The following G6PC2 variants were observed in gnomAD, a reference collection of about 807,000 sequenced individuals.
The protein encoded by G6PC2 is glucose-6-phosphatase catalytic subunit 2, also known as glucose-6-phosphatase 2.
Under a neutral mutation model 35.4 loss-of-function variants are expected in G6PC2, and 41 were observed. That is an observed-to-expected ratio of 1.16 (90% CI 0.90 to 1.50). The LOEUF is 1.50. Among genes scored for constraint, G6PC2 ranks in the 40% most tolerant of loss-of-function variants. The probability of loss-of-function intolerance (pLI) is 0.00; values close to 1 mark genes in which losing one functional copy is unlikely to be tolerated. For missense variants in G6PC2, 441 were observed against 426.5 expected (o/e 1.03, Z -0.30); for synonymous variants, 165 against 153.2 (o/e 1.08, Z -0.57).
At position 168,908,184 on chromosome 2, in the gene G6PC2, G is replaced by C; in HGVS notation, c.*105G>C. On this transcript the variant is annotated 3_prime_UTR_variant, in exon 5 of 5. Coordinates refer to ENST00000375363, the MANE Select transcript of G6PC2 (RefSeq NM_021176.3). ...CAGAGGCTTCTAATCCGACTTCACA[G>C]AATAGCGGCACAGGCCCCATTCCCC... 1 of 953,320 alleles carries C rather than the reference G, an allele frequency of 1.0e-6. No individual in the cohort carries two copies. The highest frequency in any genetic ancestry group is 1.7e-5 in the Admixed American group (1 of 58,294). The allele number at this position is 953,320 out of a possible 1,614,324, so 59.1% of individuals were successfully genotyped here. A position where few individuals can be genotyped will look rare whatever the true frequency, so the allele number is the denominator to read the frequency against.
chr2:168,902,114 T>C (rs1271037904), intron 1 of G6PC2, among the ~76,000 whole-genome samples: 1 of 152,218 alleles, frequency 6.6e-6, no homozygotes, highest in Admixed American at 6.5e-5. Flanking sequence ...ATTACTTACA[T>C]GAGCAGCGTG....
At chr2:168,906,014 G>A (rs1379776813) in intron 3 of G6PC2, among the ~76,000 whole-genome samples, 3 of 124,438 alleles carry the variant, frequency 2.4e-5, no homozygotes, top group Non-Finnish European at 3.2e-5. Flanking sequence ...GTGCATTGCT[G>A]TTTTTAATCC....
rs980744300 is a variant in G6PC2, at chr2:168,904,523, C to A, written c.347C>A (p.Ala116Glu). 26 of 1,604,840 alleles carry A rather than the reference C, an allele frequency of 1.6e-5. No individual in the cohort carries two copies. Among genetic ancestry groups the A allele is most frequent in the Non-Finnish European group, 2.1e-5 (25 of 1,171,684 alleles). ...GTTGCAGGAAGTCCATCTGGCCATGCAATGGGCGCATCCTGTGTCTGGTAT... is the reference window on the plus strand; with the variant it reads ...GTTGCAGGAAGTCCATCTGGCCATGAAATGGGCGCATCCTGTGTCTGGTAT... ...ETGPGSPSGHAMGASCVWYVM... is the reference protein window; with the variant it reads ...ETGPGSPSGHEMGASCVWYVM... Residue 116 changes from alanine to glutamate, a missense_variant, in exon 3 of 5, where the codon GCA becomes GAA. Coordinates refer to ENST00000375363, the MANE Select transcript of G6PC2 (RefSeq NM_021176.3).
chr2:168,901,400 C>G lies in G6PC2; in HGVS notation c.69C>G (p.Tyr23Ter). ...QHLQKDYRAY[Y>*]TFLNFMSNVG... ...TGCAGAAGGACTACCGAGCTTACTA[C>G]ACTTTTCTAAATTTTATGTCCAATG... The change falls in exon 1 of 5, where the codon TAC becomes TAG. Residue 23 changes from tyrosine to a stop codon, truncating the protein, a stop_gained. Transcript: ENST00000375363. LOFTEE classifies it high-confidence loss of function. 5.6e-6 allele frequency: 9 copies of G among 1,602,802 alleles called. No homozygotes were observed. The highest frequency in any genetic ancestry group is 7.7e-6 in the Non-Finnish European group (9 of 1,169,608).
intron 3 of G6PC2, 124 bp from the exon 4 acceptor site, chr2:168,906,540 G>T: frequency 1.4e-6 from 1 of 705,744 alleles, no homozygotes; most frequent in East Asian, 2.6e-5. Context: ...AAAGATTCTA[G>T]AATCATGATG....
At position 168,908,734 on chromosome 2, in the gene G6PC2, C is replaced by T. The variant is rs1485966704; in HGVS notation, c.*655C>T. 1.3e-5 allele frequency: 2 copies of T among 155,708 alleles called. No individual in the cohort carries two copies. The highest frequency in any genetic ancestry group is 2.0e-4 in the South Asian group (1 of 5,046). 9.6% of individuals were successfully genotyped at this position (155,708 alleles called of 1,614,324 possible). On this transcript the variant is annotated 3_prime_UTR_variant, in exon 5 of 5. Transcript: ENST00000375363. ...TTAGAACCAGGGACTTGCTCTGTTG[C>T]CCAGGCTGGAGTGCAGTGGTGGATA...
rs563894718 is a variant in G6PC2 at position 168,901,728 on chromosome 2, T to C, written c.218+179T>C. On this transcript the variant is annotated intron_variant, in intron 1 of 4. Coordinates refer to ENST00000375363, the MANE Select transcript of G6PC2 (RefSeq NM_021176.3). ...TTTAAAAGGCACAGAAATGTATATA[T>C]ATGTTTTTGTTTTTTTTTTTTTTTT... Among the ~76,000 whole-genome samples, 20 of 121,086 alleles carry C rather than the reference T, an allele frequency of 1.7e-4. No homozygotes were observed. In the East Asian group the frequency reaches 2.9e-3, roughly 18 times the overall value. 79.4% of individuals were successfully genotyped at this position (121,086 alleles called of 152,430 possible). A position where few individuals can be genotyped will look rare whatever the true frequency, so the allele number is the denominator to read the frequency against.
chr2:168,901,660 A>G, intron 1 of G6PC2, 111 bp downstream of exon 1: 1 of 689,684 alleles, frequency 1.4e-6, no homozygotes, highest in Non-Finnish European at 2.6e-6. Flanking sequence ...AAATCTTTCA[A>G]AAATACCAGG....
At position 168,907,573 on chromosome 2, in the gene G6PC2, C is replaced by G. The variant is rs758104751; in HGVS notation, c.562C>G (p.Leu188Val). ...QVILGVIGGM[L>V]VAEAFEHTPG... ...TGTCTCTTTCCAATCCTCAGGCATG[C>G]TGGTGGCAGAGGCCTTTGAACACAC... Residue 188 changes from leucine to valine, a missense_variant, in exon 5 of 5, where the codon CTG (leucine) becomes GTG (valine). By Grantham distance (32) the Leu-to-Val change is conservative. Coordinates refer to ENST00000375363, the MANE Select transcript of G6PC2 (RefSeq NM_021176.3). 108 of 1,613,784 alleles carry G rather than the reference C, an allele frequency of 6.7e-5. No individual in the cohort carries two copies. Among genetic ancestry groups the G allele is most frequent in the Non-Finnish European group, 9.0e-5 (106 of 1,179,800 alleles).
Position 168,907,644 on chromosome 2 carries a change from C to T in G6PC2, c.633C>T (p.Asn211=), listed in dbSNP as rs1190512780. The T allele has an allele frequency of 1.2e-6, 2 of 1,613,596 alleles. No individual in the cohort carries two copies. ...TASLGTYLKT[N]LFLFLFAVGF... is the part of the protein sequence containing the mutation. ...GTCTGGGCACATACCTGAAGACCAA[C>T]CTCTTTCTCTTCCTGTTTGCAGTTG... Residue 211 remains asparagine (N), a synonymous_variant, in exon 5 of 5, where the codon AAC becomes AAT. Coordinates refer to ENST00000375363, the MANE Select transcript of G6PC2 (RefSeq NM_021176.3).
At chr2:168,904,433 G>A (rs1222560445) in intron 2 of G6PC2, 72 bp from the exon 3 acceptor site, 1 of 818,020 alleles carries the variant, frequency 1.2e-6, no homozygotes, top group Non-Finnish European at 2.2e-6. Flanking sequence ...TGGGGAATAT[G>A]CTATTCTATT....
In G6PC2 at chr2:168,901,431, G is replaced by A; in HGVS notation, c.100G>A (p.Asp34Asn). 6.3e-7 allele frequency: 1 copy of A among 1,594,176 alleles called. No individual in the cohort carries two copies. Among genetic ancestry groups the A allele is most frequent in the Non-Finnish European group, 8.6e-7 (1 of 1,161,808 alleles). ...TCTAAATTTTATGTCCAATGTTGGAGACCCCAGGAATATCTTTTTCATTTA... is the reference window on the plus strand; with the variant it reads ...TCTAAATTTTATGTCCAATGTTGGAAACCCCAGGAATATCTTTTTCATTTA... ...TFLNFMSNVG[D>N]PRNIFFIYFP... Residue 34 changes from aspartate (D) to asparagine (N), a missense_variant, in exon 1 of 5, where the codon GAC becomes AAC. By Grantham distance (23) the Asp-to-Asn change is conservative (BLOSUM62 1). Coordinates refer to ENST00000375363, the MANE Select transcript of G6PC2 (RefSeq NM_021176.3).
In G6PC2 at chr2:168,907,788, C is replaced by G. The variant is rs139564794; in HGVS notation, c.777C>G (p.Leu259=). 191 of 1,613,970 alleles carry G rather than the reference C, an allele frequency of 1.2e-4. No homozygotes were observed. Among genetic ancestry groups the G allele is most frequent in the Non-Finnish European group, 1.4e-4 (160 of 1,180,012 alleles). ...TTGACACCACGCCTTTTGCTGGACT[C>G]GTGAGAAACCTTGGGGTCCTCTTTG... is the stretch of plus-strand genomic sequence containing the variant. ...IHIDTTPFAG[L]VRNLGVLFGL... is the part of the protein sequence containing the mutation. Residue 259 remains leucine, a synonymous_variant, in exon 5 of 5, where the codon CTC becomes CTG. Coordinates refer to ENST00000375363, the MANE Select transcript of G6PC2 (RefSeq NM_021176.3).
chr2:168,907,842 G>A lies in G6PC2; in HGVS notation c.831G>A (p.Met277Ile). ...TGGGCTTTGCAATCAACTCAGAGAT[G>A]TTCCTCCTGAGCTGCCGAGGGGGAA... ...FGLGFAINSE[M>I]FLLSCRGGNN... Residue 277 changes from methionine (M) to isoleucine (I), a missense_variant, in exon 5 of 5, where the codon ATG (methionine) becomes ATA (isoleucine). Physicochemically the swap from Met to Ile is conservative, Grantham distance 10. Transcript: ENST00000375363. 1 of 1,614,038 alleles carries A rather than the reference G, an allele frequency of 6.2e-7. No individual in the cohort carries two copies. The highest frequency in any genetic ancestry group is 1.1e-5 in the South Asian group (1 of 91,066).
chr2:168,906,286 G>T (rs1690709231), intron 3 of G6PC2, among the ~76,000 whole-genome samples: 1 of 152,054 alleles, frequency 6.6e-6, no homozygotes, highest in African/African-American at 2.4e-5. Context: ...ATAGGGCAGG[G>T]CGTGAAAATA....
Position 168,902,465 on chromosome 2 carries a change from CT to C in G6PC2, c.241del (p.Tyr81ThrfsTer47). ...IFKWILFGHR[P>X]YWWVQETQIY... Reference sequence around the variant, plus strand: ...TACAGGATATTATTTGGTCATCGACCTTACTGGTGGGTCCAAGAAACTCAGA... The same window carrying C: ...TACAGGATATTATTTGGTCATCGACCTACTGGTGGGTCCAAGAAACTCAGA... On this transcript the variant is annotated frameshift_variant, in exon 2 of 5. Coordinates refer to ENST00000375363, the MANE Select transcript of G6PC2 (RefSeq NM_021176.3). LOFTEE classifies it high-confidence loss of function. 6.7e-7 allele frequency: 1 copy of C among 1,493,474 alleles called. No homozygotes were observed. The highest frequency in any genetic ancestry group is 9.3e-7 in the Non-Finnish European group (1 of 1,070,002). The allele number at this position is 1,493,474 out of a possible 1,614,324, so 92.5% of individuals were successfully genotyped here. A position where few individuals can be genotyped will look rare whatever the true frequency, so the allele number is the denominator to read the frequency against.
In G6PC2 at chr2:168,904,592, A is replaced by T; in HGVS notation, c.416A>T (p.Asp139Val). 6.2e-7 allele frequency: 1 copy of T among 1,602,434 alleles called. No homozygotes were observed. The highest frequency in any genetic ancestry group is 8.6e-7 in the Non-Finnish European group (1 of 1,169,406). The change falls in exon 3 of 5, where the codon GAT (aspartate) becomes GTT (valine). Residue 139 changes from aspartate (D) to valine (V), a missense_variant. By Grantham distance (152) the Asp-to-Val change is radical. Transcript: ENST00000375363. Reference protein sequence around the residue: ...AALSHTVCGMDKFSITLHRLT... With the variant: ...AALSHTVCGMVKFSITLHRLT... ...CTGAGCCACACTGTCTGTGGGATGG[A>T]TAAGTTCTCTATCACTCTGCACAGG...
rs1690783240 is a variant in G6PC2, at chr2:168,908,655, CTG to C, written c.*582_*583del. ...GCTTCTGACACATATCCCCATTACA[CTG>C]TGTGTTTGAGTGTGCACACATGCAC... On this transcript the variant is annotated 3_prime_UTR_variant, in exon 5 of 5. Coordinates refer to ENST00000375363, the MANE Select transcript of G6PC2 (RefSeq NM_021176.3). 1 of 175,822 alleles carries C rather than the reference CTG, an allele frequency of 5.7e-6. No individual in the cohort carries two copies. Among genetic ancestry groups the C allele is most frequent in the African/African-American group, 2.4e-5 (1 of 41,694 alleles). The allele number at this position is 175,822 out of a possible 1,614,324, so 10.9% of individuals were successfully genotyped here. A position where few individuals can be genotyped will look rare whatever the true frequency, so the allele number is the denominator to read the frequency against.
rs753230056 is a variant in G6PC2, at chr2:168,906,691, T to G, written c.468T>G (p.Val156=). 2 of 1,598,418 alleles carry G rather than the reference T, an allele frequency of 1.3e-6. No individual in the cohort carries two copies. Among genetic ancestry groups the G allele is most frequent in the East Asian group, 2.2e-5 (1 of 44,790 alleles). ...TGACCTGGTCATTTCTTTGGAGTGTTTTTTGGTTGATTCAAATCAGTGTCT... is the reference window on the plus strand; with the variant it reads ...TGACCTGGTCATTTCTTTGGAGTGTGTTTTGGTTGATTCAAATCAGTGTCT... ...HRLTWSFLWS[V]FWLIQISVCI... The change falls in exon 4 of 5, where the codon GTT becomes GTG. Residue 156 remains valine (V), a synonymous_variant. Coordinates refer to ENST00000375363, the MANE Select transcript of G6PC2 (RefSeq NM_021176.3).
Sources: gnomAD v4.1 joint callset for allele counts (sites outside exome capture counted in the v4.1 genomes callset) on GRCh38, gnomAD v4.1.1 for gene constraint, MANE v1.5 for transcripts, NCBI Gene and HGNC (gene_info 2026-07-23, HGNC 2026-07-21) for gene names.